Variants in ZNF384 observed in about 807,000 individuals in gnomAD.
The protein encoded by ZNF384 is zinc finger protein 384.
In ZNF384, 20 loss-of-function variants were observed where a neutral mutation model predicts 65.0. The ratio of observed to expected loss-of-function variants is 0.31; its 90% confidence interval spans 0.22 to 0.45. The LOEUF (loss-of-function observed/expected upper bound fraction) is 0.45. Among genes scored for constraint, ZNF384 ranks in the 20% least tolerant of loss-of-function variants. The pLI is 1.00. For missense variants in ZNF384, 549 were observed against 769.4 expected, an observed-to-expected ratio of 0.71 and a Z score of 3.39; for synonymous variants, 310 against 303.9, an observed-to-expected ratio of 1.02 and a Z score of -0.21.
In ZNF384 at chr12:6,686,188, C is replaced by T. The variant is rs545053019; in HGVS notation, c.-6+1979G>A. 2.6e-5 allele frequency among the ~76,000 whole-genome samples: 4 copies of T among 152,304 alleles called. No homozygotes were observed. In the South Asian group the frequency reaches 8.3e-4, roughly 32 times the overall value. The stretch of plus-strand genomic sequence containing the variant: ...CAGCATTCCCTTAACACAACCAACC[C>T]TTAGAAAACCATGAAATACACTCAT... On this transcript the variant is annotated intron_variant, in intron 2 of 11. Coordinates refer to ENST00000683879, the MANE Select transcript of ZNF384 (RefSeq NM_001385745.1).
Position 6,678,566 on chromosome 12 carries a change from C to T in ZNF384, c.352+97G>A, listed in dbSNP as rs1401195921. 38 of 1,546,662 alleles carry T rather than the reference C, an allele frequency of 2.5e-5. No individual in the cohort carries two copies. Among genetic ancestry groups the T allele is most frequent in the Non-Finnish European group, 2.9e-5 (33 of 1,127,916 alleles). ...TCTAATTAACCCCTCACCCCCCCGC[C>T]GACCCAACCCAGAGTACACAGGAAA... On this transcript the variant is annotated intron_variant, in intron 5 of 11. Transcript: ENST00000683879. This position sits in a 1 kb window ranked among gnomAD's most constrained non-coding sequence, Gnocchi z 4.9.
chr12:6,683,972 G>C (rs1329411425), intron 2 of ZNF384, among the ~76,000 whole-genome samples: 1 of 151,740 alleles, frequency 6.6e-6, no homozygotes, highest in African/African-American at 2.4e-5. Context: ...TGCCAAGATC[G>C]CACCACTGCA....
At chr12:6,668,463 G>A (rs1950328365) in intron 11 of ZNF384, among the ~76,000 whole-genome samples, 2 of 152,160 alleles carry the variant, frequency 1.3e-5, no homozygotes, top group South Asian at 2.1e-4. Context: ...AGTACTTTGG[G>A]AGGCTGAGGT....
intron 2 of ZNF384, among the ~76,000 whole-genome samples, chr12:6,680,115 C>G (rs1025375647): frequency 3.9e-5 from 6 of 152,350 alleles, no homozygotes; most frequent in African/African-American, 1.4e-4. Flanking sequence ...CCGTGTGACA[C>G]TATGCCAGAC....
intron 3 of ZNF384, 119 bp from the exon 4 acceptor site, chr12:6,679,302 C>G: frequency 2.5e-6 from 3 of 1,222,348 alleles, no homozygotes; most frequent in Non-Finnish European, 3.5e-6. Context: ...CACTTCATAC[C>G]TCTGGCCTTC....
intron 2 of ZNF384, among the ~76,000 whole-genome samples, chr12:6,680,269 A>C (rs1489856665): frequency 2.0e-5 from 3 of 152,200 alleles, no homozygotes; most frequent in Non-Finnish European, 4.4e-5. Context: ...CCAGCCAATA[A>C]AAATTTCAAG....
At position 6,666,881 on chromosome 12, in the gene ZNF384, A is replaced by G; in HGVS notation, c.*833T>C. 5.3e-6 allele frequency: 1 copy of G among 188,466 alleles called. No individual in the cohort carries two copies. Among genetic ancestry groups the G allele is most frequent in the Non-Finnish European group, 1.1e-5 (1 of 89,438 alleles). 11.7% of individuals were successfully genotyped at this position (188,466 alleles called of 1,614,324 possible). On this transcript the variant is annotated 3_prime_UTR_variant, in exon 12 of 12. Coordinates refer to ENST00000683879, the MANE Select transcript of ZNF384 (RefSeq NM_001385745.1). ...CTGTGGCACCTAGGGAGCTAAGTCC[A>G]GTCCTTGCGTTTGCCTTGAACTCTC... is the stretch of plus-strand genomic sequence containing the variant.
At chr12:6,671,776 A>G (rs907468089) in intron 9 of ZNF384, 15 of 152,650 alleles carry the variant, frequency 9.8e-5, no homozygotes, top group African/African-American at 3.4e-4. Flanking sequence ...CGGGATAAAC[A>G]CTGGGCATCT....
At chr12:6,669,942 G>GCGCA (rs545580666) in intron 10 of ZNF384, among the ~76,000 whole-genome samples, 10 of 139,154 alleles carry the variant, frequency 7.2e-5, no homozygotes, top group African/African-American at 2.0e-4. Context: ...ACGCGCGCGC[G>GCGCA]CACACACACA....
chr12:6,674,120 G>A (rs1316487551), intron 7 of ZNF384, among the ~76,000 whole-genome samples: 1 of 152,166 alleles, frequency 6.6e-6, no homozygotes, highest in Non-Finnish European at 1.5e-5. Context: ...GACCAACGTA[G>A]CTGCTAGGGG....
chr12:6,681,155 G>A (rs1178942558), intron 2 of ZNF384, among the ~76,000 whole-genome samples: 1 of 150,782 alleles, frequency 6.6e-6, no homozygotes, highest in Non-Finnish European at 1.5e-5. Flanking sequence ...GGAGGCGGAG[G>A]TTGCAGTGAG....
rs1157290726 is a variant in ZNF384 at position 6,667,369 on chromosome 12, GAGGGTAAGGAT to G, written c.*334_*344del. On this transcript the variant is annotated 3_prime_UTR_variant, in exon 12 of 12. Transcript: ENST00000683879. Reference sequence around the variant, plus strand: ...CATCAGCCCAAACTTTGAGGATAAGGAGGGTAAGGATAGGGTAAGTGGCCACACTGGACAAG... The same window carrying G: ...CATCAGCCCAAACTTTGAGGATAAGGAGGGTAAGTGGCCACACTGGACAAG... The G allele has an allele frequency of 1.5e-5, 7 of 455,362 alleles. No individual in the cohort carries two copies. The East Asian group carries it at 2.3e-4, about 15-fold the overall frequency. 28.2% of individuals were successfully genotyped at this position (455,362 alleles called of 1,614,324 possible).
At chr12:6,669,660 G>A (rs1020145578) in intron 10 of ZNF384, among the ~76,000 whole-genome samples, 1 of 151,566 alleles carries the variant, frequency 6.6e-6, no homozygotes, top group Non-Finnish European at 1.5e-5. Flanking sequence ...CACCAGGCCT[G>A]GCTAATTTTT....
intron 7 of ZNF384, among the ~76,000 whole-genome samples, chr12:6,675,017 A>G (rs1952964139): frequency 6.6e-6 from 1 of 152,220 alleles, no homozygotes; most frequent in Non-Finnish European, 1.5e-5. Flanking sequence ...ATTTATTTTA[A>G]CCCAAATAAA....
chr12:6,685,731 C>G (rs536825412), intron 2 of ZNF384, among the ~76,000 whole-genome samples: 26 of 133,062 alleles, frequency 2.0e-4, no homozygotes, highest in Admixed American at 8.6e-4. Flanking sequence ...GAAAGGAGAT[C>G]AGACCACTGC....
chr12:6,673,813 C>T lies in ZNF384; in HGVS notation c.780-373G>A, dbSNP rs1952467083. ...TTAAGGAATTCCTTGCTCTGATGTTCCTATGTATGAAGCACATGCCTCTGT... is the reference window on the plus strand; with the variant it reads ...TTAAGGAATTCCTTGCTCTGATGTTTCTATGTATGAAGCACATGCCTCTGT... On this transcript the variant is annotated intron_variant, in intron 7 of 11. Coordinates refer to ENST00000683879, the MANE Select transcript of ZNF384 (RefSeq NM_001385745.1). This position sits in a 1 kb window ranked among gnomAD's most constrained non-coding sequence, Gnocchi z 4.7. 6.6e-6 allele frequency among the ~76,000 whole-genome samples: 1 copy of T among 152,086 alleles called. No homozygotes were observed. Among genetic ancestry groups the T allele is most frequent in the African/African-American group, 2.4e-5 (1 of 41,426 alleles).
rs1950538849 is a variant in ZNF384, at chr12:6,669,037, G to A, written c.1419C>T (p.Tyr473=). 6.2e-7 allele frequency: 1 copy of A among 1,607,878 alleles called. No individual in the cohort carries two copies. The highest frequency in any genetic ancestry group is 8.5e-7 in the Non-Finnish European group (1 of 1,175,792). Residue 473 remains tyrosine (Y), a synonymous_variant, in exon 11 of 12, where the codon TAC becomes TAT. Transcript: ENST00000683879. ...GAAGAAACGGAGCACTCACTGATGT[G>A]TATGCCCGACTGCAGATAGTGCAGG... ...VYTCTICSRA[Y]TSETYLMKHM...
Position 6,667,758 on chromosome 12 carries a change from C to T in ZNF384, c.1783G>A (p.Val595Ile), listed in dbSNP as rs1441230468. 4 of 1,614,042 alleles carry T rather than the reference C, an allele frequency of 2.5e-6. No homozygotes were observed. The Admixed American group carries it at 6.7e-5, about 27-fold the overall frequency. The change falls in exon 12 of 12, where the codon GTC becomes ATC. Residue 595 changes from valine to isoleucine, a missense_variant. This residue lies in a region of ZNF384 where 136 missense variants were observed against 183.0 expected (regional missense o/e 0.74). Transcript: ENST00000683879. ...AEHHKDICLT[V>I]TTSTIQVEHL... ...TCCACCTGGATGGTGCTGGTGGTGA[C>T]AGTGAGGCAGATGTCCTTATGATGC...
rs1950122364 is a variant in ZNF384, at chr12:6,667,873, C to T, written c.1668G>A (p.Gly556=). 1.9e-6 allele frequency: 3 copies of T among 1,613,750 alleles called. No homozygotes were observed. Among genetic ancestry groups the T allele is most frequent in the African/African-American group, 2.7e-5 (2 of 74,810 alleles). ...QQPPPHFQSP[G]AAPQGGGGGD... Reference sequence around the variant, plus strand: ...CACCACCCCCACCCTGGGGGGCTGCCCCAGGAGACTGGAAGTGTGGTGGTG... The same window carrying T: ...CACCACCCCCACCCTGGGGGGCTGCTCCAGGAGACTGGAAGTGTGGTGGTG... The change falls in exon 12 of 12, where the codon GGG becomes GGA. Residue 556 remains glycine (G), a synonymous_variant. Coordinates refer to ENST00000683879, the MANE Select transcript of ZNF384 (RefSeq NM_001385745.1).
Sources: gnomAD v4.1 joint callset for allele counts (sites outside exome capture counted in the v4.1 genomes callset) on GRCh38, gnomAD v4.1.1 for gene constraint, gnomAD v4.1.1 regional missense constraint, Gnocchi (gnomAD v3.1) non-coding constraint, MANE v1.5 for transcripts, NCBI Gene and HGNC (gene_info 2026-07-23, HGNC 2026-07-21) for gene names.